The following ANTXR2 variants were observed in gnomAD, a reference collection of about 807,000 sequenced individuals.
The protein encoded by ANTXR2 is ANTXR cell adhesion molecule 2, also known as anthrax toxin receptor 2.
ANTXR2 carries 44 observed loss-of-function variants against 73.7 expected under a neutral mutation model. That is an observed-to-expected ratio of 0.60 (90% CI 0.47 to 0.77). The LOEUF (loss-of-function observed/expected upper bound fraction) is 0.77. Ranked by LOEUF, ANTXR2 falls within the 30% of genes least tolerant of loss-of-function variation. The pLI, the probability that ANTXR2 is intolerant of heterozygous loss-of-function variation, is 0.00. For synonymous variants in ANTXR2, 217 were observed against 205.9 expected (o/e 1.05, Z -0.46); for missense variants, 604 against 592.5 (o/e 1.02, Z -0.20).
In ANTXR2 at chr4:80,008,269, A is replaced by T. The variant is rs1278040959; in HGVS notation, c.1041+252T>A. On this transcript the variant is annotated intron_variant, in intron 12 of 16. Transcript: ENST00000403729. Reference sequence around the variant, plus strand: ...TTGAATGAAAATACCCTTTATCCCAACTACTTCCCCTATTTTTCTCTCCTC... The same window carrying T: ...TTGAATGAAAATACCCTTTATCCCATCTACTTCCCCTATTTTTCTCTCCTC... Among the ~76,000 whole-genome samples, 3 of 152,100 alleles carry T rather than the reference A, an allele frequency of 2.0e-5. No homozygotes were observed. The East Asian group carries it at 5.8e-4, about 29-fold the overall frequency.
At chr4:79,937,306 C>G (rs544008365) in intron 16 of ANTXR2, among the ~76,000 whole-genome samples, 3 of 152,110 alleles carry the variant, frequency 2.0e-5, no homozygotes, top group African/African-American at 7.2e-5. Context: ...TAAAACAGCA[C>G]AAAATTGAGC....
At position 79,905,928 on chromosome 4, in the gene ANTXR2, C is replaced by A. The variant is rs1470947336; in HGVS notation, c.*1501G>T. 3.9e-5 allele frequency: 6 copies of A among 152,520 alleles called. No homozygotes were observed. In the East Asian group the frequency reaches 1.2e-3, roughly 29 times the overall value. 9.4% of individuals were successfully genotyped at this position (152,520 alleles called of 1,614,324 possible). ...CTTATTTTTAGTGTCATTTGATAAG[C>A]CTTTGTGCTCACAGAGAGACATCCC... On this transcript the variant is annotated 3_prime_UTR_variant, in exon 17 of 17. Transcript: ENST00000403729.
At chr4:79,984,989 A>G in intron 12 of ANTXR2, 126 bp from the exon 13 acceptor site, 6 of 732,754 alleles carry the variant, frequency 8.2e-6, no homozygotes, top group Non-Finnish European at 1.4e-5. Context: ...GAAGCTTGCC[A>G]CCCAATATTT....
intron 16 of ANTXR2, among the ~76,000 whole-genome samples, chr4:79,958,480 T>C (rs950865211): frequency 1.3e-5 from 2 of 152,124 alleles, no homozygotes; most frequent in African/African-American, 4.8e-5. Flanking sequence ...TTAATTAAGA[T>C]TAATGACAGA....
Position 79,903,477 on chromosome 4 carries a change from C to T in ANTXR2, c.*3952G>A, listed in dbSNP as rs938822555. On this transcript the variant is annotated 3_prime_UTR_variant, in exon 17 of 17. Coordinates refer to ENST00000403729, the MANE Select transcript of ANTXR2 (RefSeq NM_058172.6). ...TTGTACTGTGTACTTACTTATCAGC[C>T]TTTTCTTTTGGCAGGAGAGCACAAA... 1.3e-5 allele frequency: 2 copies of T among 151,950 alleles called. No individual in the cohort carries two copies. The highest frequency in any genetic ancestry group is 2.9e-5 in the Non-Finnish European group (2 of 67,992). The allele number at this position is 151,950 out of a possible 1,614,324, so 9.4% of individuals were successfully genotyped here.
intron 16 of ANTXR2, among the ~76,000 whole-genome samples, chr4:79,925,503 C>T (rs1174716221): frequency 5.9e-5 from 9 of 151,926 alleles, no homozygotes; most frequent in South Asian, 2.1e-4. Flanking sequence ...AACCTTCAAT[C>T]GGGAAGGTTA....
intron 10 of ANTXR2, among the ~76,000 whole-genome samples, chr4:80,028,614 C>T (rs1438925169): frequency 6.6e-6 from 1 of 152,122 alleles, no homozygotes; most frequent in Non-Finnish European, 1.5e-5. Flanking sequence ...GGAACTATCA[C>T]CACATCTGTC....
At chr4:79,999,283 C>T (rs957702958) in intron 12 of ANTXR2, among the ~76,000 whole-genome samples, 4 of 151,914 alleles carry the variant, frequency 2.6e-5, no homozygotes, top group South Asian at 4.1e-4. Flanking sequence ...CCATGCTGTT[C>T]TCATGATAGT....
intron 12 of ANTXR2, among the ~76,000 whole-genome samples, chr4:80,002,560 G>A (rs919248620): frequency 5.3e-5 from 8 of 152,110 alleles, no homozygotes; most frequent in East Asian, 1.9e-4. Context: ...ATTGACAAAC[G>A]GGATCTAATT....
At chr4:80,039,035 A>C (rs924508593) in intron 7 of ANTXR2, among the ~76,000 whole-genome samples, 1 of 152,212 alleles carries the variant, frequency 6.6e-6, no homozygotes, top group South Asian at 2.1e-4. Context: ...CATTGAACAC[A>C]TAAATTAATG....
At chr4:79,946,550 G>C (rs770053096) in intron 16 of ANTXR2, among the ~76,000 whole-genome samples, 6 of 152,084 alleles carry the variant, frequency 3.9e-5, no homozygotes, top group South Asian at 2.1e-4. Context: ...GGCAGGGGCT[G>C]TAATCTTGGG....
At chr4:80,020,588 G>A (rs35865696) in intron 10 of ANTXR2, among the ~76,000 whole-genome samples, 24,513 of 152,138 alleles carry the variant, frequency 0.16, 2,996 homozygotes, top group African/African-American at 0.35. Context: ...ATGGGGGGCA[G>A]GAGGCCCAGA....
intron 3 of ANTXR2, among the ~76,000 whole-genome samples, chr4:80,062,432 G>A (rs1344611275): frequency 2.0e-5 from 3 of 152,144 alleles, no homozygotes; most frequent in African/African-American, 4.8e-5. Flanking sequence ...CCAGGCATGA[G>A]TAACAATGTA....
At chr4:79,951,600 A>C (rs555598350) in intron 16 of ANTXR2, among the ~76,000 whole-genome samples, 98 of 151,888 alleles carry the variant, frequency 6.5e-4, no homozygotes, top group East Asian at 2.7e-3. Context: ...ACAAAAAAAA[A>C]AAAACAACAA....
At chr4:79,984,151 A>T (rs989795455) in intron 13 of ANTXR2, among the ~76,000 whole-genome samples, 181 bp from the exon 14 acceptor site, 4 of 152,214 alleles carry the variant, frequency 2.6e-5, no homozygotes, top group Non-Finnish European at 5.9e-5. Flanking sequence ...TCTACAGGAT[A>T]TGAGAACTCC....
At chr4:80,059,123 A>C (rs1490857786) in intron 3 of ANTXR2, among the ~76,000 whole-genome samples, 2 of 151,494 alleles carry the variant, frequency 1.3e-5, no homozygotes, top group Non-Finnish European at 2.9e-5. Context: ...AAATTTTAGC[A>C]CTCTTCTTTT....
At chr4:79,980,921 TAA>T (rs11397721) in intron 14 of ANTXR2, among the ~76,000 whole-genome samples, 4,060 of 137,526 alleles carry the variant, frequency 0.03, 65 homozygotes, top group East Asian at 0.048. Flanking sequence ...TTAAGGGCTT[TAA>T]AAAAAAAAAA....
At chr4:80,059,992 C>T (rs1177854018) in intron 3 of ANTXR2, among the ~76,000 whole-genome samples, 3 of 152,102 alleles carry the variant, frequency 2.0e-5, no homozygotes, top group Admixed American at 6.6e-5. Flanking sequence ...CTTTTTCTTT[C>T]TACGATGTGT....
chr4:80,043,604 T>C (rs1733380420), intron 7 of ANTXR2, among the ~76,000 whole-genome samples: 1 of 152,028 alleles, frequency 6.6e-6, no homozygotes, highest in African/African-American at 2.4e-5. Context: ...TCTCAATAGT[T>C]CAGGGAACAC....
Sources: allele counts gnomAD v4.1 joint callset (sites outside exome capture counted in the v4.1 genomes callset), GRCh38; gene constraint gnomAD v4.1.1; transcripts MANE v1.5; gene names NCBI Gene and HGNC (gene_info 2026-07-23, HGNC 2026-07-21).